Variants in SPATA6L observed in about 807,000 individuals in gnomAD.
The protein encoded by SPATA6L is spermatogenesis associated 6 like.
In SPATA6L, 68 loss-of-function variants were observed where a neutral mutation model predicts 49.2. The ratio of observed to expected loss-of-function variants is 1.38; its 90% CI spans 1.14 to 1.69. The LOEUF (loss-of-function observed/expected upper bound fraction) is 1.69, where lower values mean the gene tolerates loss of function less well. SPATA6L is among the 40% of genes most tolerant of loss of function. SPATA6L has a pLI of 0.00. For missense variants in SPATA6L, 668 were observed against 464.3 expected, an observed-to-expected ratio of 1.44 and a Z score of -4.03; for synonymous variants, 198 against 165.7, an observed-to-expected ratio of 1.19 and a Z score of -1.50.
intron 3 of SPATA6L, 31 bp downstream of exon 3, chr9:4,656,009 TG>T (rs748040259): frequency 2.7e-5 from 42 of 1,564,332 alleles, no homozygotes; most frequent in Middle Eastern, 3.3e-4. Context: ...AATAGTCTTT[TG>T]GTTTTTTGTT....
Position 4,604,167 on chromosome 9 carries a change from A to G in SPATA6L, c.*1+12T>C, listed in dbSNP as rs1564111526. On this transcript the variant is annotated intron_variant, in intron 11 of 11. Coordinates refer to ENST00000682582, the MANE Select transcript of SPATA6L (RefSeq NM_001353486.2). ...AGAAGCACTTAAGCTGCTTACTTACATAAGACAGTACCTTAAAAATATCTC... is the reference window on the plus strand; with the variant it reads ...AGAAGCACTTAAGCTGCTTACTTACGTAAGACAGTACCTTAAAAATATCTC... 4.4e-6 allele frequency: 7 copies of G among 1,587,106 alleles called. No individual in the cohort carries two copies. Among genetic ancestry groups the G allele is most frequent in the Admixed American group, 1.7e-5 (1 of 57,786 alleles).
intron 3 of SPATA6L, chr9:4,646,611 A>C: frequency 1.5e-6 from 1 of 683,434 alleles, no homozygotes; most frequent in Non-Finnish European, 2.3e-6. Context: ...ACTGTCATAA[A>C]ACCCACTTAA....
chr9:4,654,036 T>G (rs1298899369), intron 3 of SPATA6L, among the ~76,000 whole-genome samples: 2 of 152,014 alleles, frequency 1.3e-5, no homozygotes, highest in Non-Finnish European at 2.9e-5. Flanking sequence ...TGGCCAAATA[T>G]CTCATGAAAA....
At chr9:4,634,733 G>GT (rs1253541070) in intron 4 of SPATA6L, among the ~76,000 whole-genome samples, 1 of 152,016 alleles carries the variant, frequency 6.6e-6, no homozygotes, top group Admixed American at 6.6e-5. Context: ...ATCAAAATGA[G>GT]TATCCTGAAT....
chr9:4,602,151 T>TTC, intron 11 of SPATA6L, among the ~76,000 whole-genome samples: 1 of 150,136 alleles, frequency 6.7e-6, no homozygotes, highest in East Asian at 2.0e-4. Flanking sequence ...TTTTTTTTTT[T>TTC]CTTTTCTTAC....
chr9:4,623,149 G>A (rs140882979), intron 6 of SPATA6L, among the ~76,000 whole-genome samples: 1,865 of 152,138 alleles, frequency 0.012, 29 homozygotes, highest in African/African-American at 0.043. Flanking sequence ...GCTTGGTGGC[G>A]CATGCCTGTA....
At chr9:4,645,020 A>G (rs117820300) in intron 3 of SPATA6L, among the ~76,000 whole-genome samples, 34 of 152,372 alleles carry the variant, frequency 2.2e-4, no homozygotes, top group Non-Finnish European at 4.7e-4. Context: ...GGCTATAAAC[A>G]CTACTTAAAC....
Position 4,662,944 on chromosome 9 carries a change from G to A in SPATA6L, c.40-908C>T. 2.5e-6 allele frequency: 4 copies of A among 1,611,546 alleles called. No homozygotes were observed. The highest frequency in any genetic ancestry group is 2.5e-6 in the Non-Finnish European group (3 of 1,179,878). On this transcript the variant is annotated intron_variant, in intron 1 of 11. Transcript: ENST00000682582. This position sits in a 1 kb window ranked among gnomAD's most constrained non-coding sequence, Gnocchi z 4.9. ...TTGATCAAAGGGCTGGTCCGCAGGC[G>A]CCGCCCGGCCCACAACCAGATGGAC...
chr9:4,661,749 T>TTTGCTTCAAGG, intron 2 of SPATA6L, 150 bp downstream of exon 2: 3 of 799,948 alleles, frequency 3.8e-6, no homozygotes, highest in Non-Finnish European at 5.7e-6. Flanking sequence ...AAGCAAGTGT[T>TTTGCTTCAAGG]CCGACTGCGG....
In SPATA6L at chr9:4,662,048, A is replaced by T. The variant is rs1252302502; in HGVS notation, c.40-12T>A. On this transcript the variant is annotated splice_polypyrimidine_tract_variant and intron_variant, in intron 1 of 11. Transcript: ENST00000682582. This position sits in a 1 kb window ranked among gnomAD's most constrained non-coding sequence, Gnocchi z 4.9. ...CCTGGGCAAGAAATCTTAAAAAGAA[A>T]GAAAACAACAAACAAGGGAGAGAAA... 5 of 1,612,922 alleles carry T rather than the reference A, an allele frequency of 3.1e-6. No individual in the cohort carries two copies. The highest frequency in any genetic ancestry group is 4.2e-6 in the Non-Finnish European group (5 of 1,179,506).
chr9:4,597,319 TACACACACACACACACACACACACAC>T (rs57570250), downstream of SPATA6L, among the ~76,000 whole-genome samples: 11 of 143,910 alleles, frequency 7.6e-5, no homozygotes, highest in African/African-American at 2.4e-4. Flanking sequence ...GAAAACAAAA[TACACACACACACACACACACACACAC>T]ACACACACAC....
At chr9:4,595,454 G>T (rs1461490918), downstream of SPATA6L, among the ~76,000 whole-genome samples, 2 of 152,132 alleles carry the variant, frequency 1.3e-5, no homozygotes, top group Non-Finnish European at 2.9e-5. Flanking sequence ...AAGATCATCA[G>T]ATTAATACTT....
chr9:4,650,334 T>G (rs1298300899), intron 3 of SPATA6L, among the ~76,000 whole-genome samples: 1 of 152,178 alleles, frequency 6.6e-6, no homozygotes, highest in African/African-American at 2.4e-5. Context: ...AACATCTCAG[T>G]TGCAAATTTC....
intron 8 of SPATA6L, among the ~76,000 whole-genome samples, 175 bp downstream of exon 8, chr9:4,618,689 C>A (rs1587100799): frequency 6.6e-6 from 1 of 152,206 alleles, no homozygotes; most frequent in African/African-American, 2.4e-5. Context: ...AACCAACTAA[C>A]CCCTAAGCAA....
At position 4,625,337 on chromosome 9, in the gene SPATA6L, A is replaced by C. The variant is rs1481507698; in HGVS notation, c.659T>G (p.Val220Gly). ...TAATTTTAGGCTCACGTGTCTAACA[A>C]CAAATGGAGGCTTGCTTCCTCCAGA... ...KISGGSKPPF[V>G]VRHVDSAKPF... Residue 220 changes from valine to glycine, a missense_variant, in exon 6 of 12, where the codon GTT becomes GGT. Physicochemically the swap from Val to Gly is moderately radical, Grantham distance 109 (BLOSUM62 -3). Transcript: ENST00000682582. 1 of 1,613,022 alleles carries C rather than the reference A, an allele frequency of 6.2e-7. No individual in the cohort carries two copies. The highest frequency in any genetic ancestry group is 2.2e-5 in the East Asian group (1 of 44,886).
At chr9:4,614,792 T>C (rs1827579693) in intron 9 of SPATA6L, among the ~76,000 whole-genome samples, 1 of 152,178 alleles carries the variant, frequency 6.6e-6, no homozygotes, top group Non-Finnish European at 1.5e-5. Flanking sequence ...TACAAACTCA[T>C]AGTCCAACTA....
intron 13 of SPATA6L, among the ~76,000 whole-genome samples, chr9:4,589,754 G>A (rs1821784174): frequency 6.6e-6 from 1 of 152,096 alleles, no homozygotes; most frequent in South Asian, 2.1e-4. Context: ...TAAATCTTGT[G>A]TGACTCTTCA....
At chr9:4,626,328 G>A in intron 5 of SPATA6L, 2 of 1,228,492 alleles carry the variant, frequency 1.6e-6, no homozygotes, top group South Asian at 1.5e-5. Flanking sequence ...TCAGATTTGA[G>A]TCTAGACCCA....
intron 3 of SPATA6L, among the ~76,000 whole-genome samples, chr9:4,639,129 C>G (rs564843460): frequency 1.3e-5 from 2 of 152,212 alleles, no homozygotes; most frequent in Non-Finnish European, 2.9e-5. Flanking sequence ...GTAGAATGCA[C>G]AGCATAGCAC....
Sources: allele counts gnomAD v4.1 joint callset (sites outside exome capture counted in the v4.1 genomes callset), GRCh38; gene constraint gnomAD v4.1.1; non-coding constraint Gnocchi (gnomAD v3.1); transcripts MANE v1.5; gene names NCBI Gene and HGNC (gene_info 2026-07-23, HGNC 2026-07-21).